The following ZNF609 variants were observed in gnomAD, a reference collection of about 807,000 sequenced individuals.
ZNF609 encodes the protein zinc finger protein 609.
A neutral mutation model predicts 109.5 loss-of-function variants in ZNF609; 11 were observed. The observed-to-expected ratio is 0.10, with a 90% CI of 0.06 to 0.17. The LOEUF (loss-of-function observed/expected upper bound fraction) is 0.17, where lower values mean the gene tolerates loss of function less well. Ranked by LOEUF, ZNF609 falls within the 10% of genes least tolerant of loss-of-function variation. The probability of loss-of-function intolerance (pLI) is 1.00; values close to 1 mark genes in which losing one functional copy is unlikely to be tolerated. For missense variants in ZNF609, 1,559 were observed against 1,772.4 expected (o/e 0.88, Z 2.16); for synonymous variants, 646 against 662.0 (o/e 0.98, Z 0.37).
chr15:64,480,358 AC>A (rs1252440422), intron 1 of ZNF609, among the ~76,000 whole-genome samples: 2 of 152,070 alleles, frequency 1.3e-5, no homozygotes, highest in African/African-American at 2.4e-5. Flanking sequence ...ACATGGTGAA[AC>A]CCCGTCTACT....
chr15:64,469,630 A>G (rs1235346725), intron 1 of ZNF609, among the ~76,000 whole-genome samples: 2 of 151,974 alleles, frequency 1.3e-5, no homozygotes, highest in African/African-American at 4.8e-5. Flanking sequence ...TTATTAGGCC[A>G]TCTTTTTTTG....
intron 3 of ZNF609, among the ~76,000 whole-genome samples, chr15:64,662,561 G>C (rs896358799): frequency 6.6e-6 from 1 of 152,168 alleles, no homozygotes; most frequent in African/African-American, 2.4e-5. Context: ...CTATGCTCAA[G>C]CAATCCTCCC....
intron 1 of ZNF609, among the ~76,000 whole-genome samples, chr15:64,480,377 A>C (rs1893235216): frequency 6.6e-6 from 1 of 152,106 alleles, no homozygotes; most frequent in South Asian, 2.1e-4. Context: ...ACTAAAATAC[A>C]AAAATTAGCT....
chr15:64,673,775 C>A, intron 4 of ZNF609, 141 bp from the exon 5 acceptor site: 1 of 989,500 alleles, frequency 1.0e-6, no homozygotes, highest in Non-Finnish European at 1.5e-6. Flanking sequence ...TAGTGCAATT[C>A]ACAATCAGAA....
intron 2 of ZNF609, among the ~76,000 whole-genome samples, chr15:64,573,978 G>C (rs1894905182): frequency 6.6e-6 from 1 of 152,054 alleles, no homozygotes; most frequent in Admixed American, 6.6e-5. Context: ...GGAACTTGCT[G>C]TATGAATTAG....
At chr15:64,636,770 G>A (rs1365446840) in intron 3 of ZNF609, among the ~76,000 whole-genome samples, 1 of 152,160 alleles carries the variant, frequency 6.6e-6, no homozygotes, top group Non-Finnish European at 1.5e-5. Context: ...TAGAGATTGG[G>A]CAAGCTGCCT....
chr15:64,618,950 T>C (rs1359809180), intron 2 of ZNF609, among the ~76,000 whole-genome samples: 4 of 152,106 alleles, frequency 2.6e-5, no homozygotes, highest in Non-Finnish European at 2.9e-5. Flanking sequence ...CAAAAATGCC[T>C]ATCTACCTAG....
rs767297145 is a variant in ZNF609, at chr15:64,675,132, T to C, written c.2278T>C (p.Phe760Leu). The C allele has an allele frequency of 6.2e-7, 1 of 1,613,950 alleles. No homozygotes were observed. Among genetic ancestry groups the C allele is most frequent in the African/African-American group, 1.3e-5 (1 of 74,916 alleles). The change falls in exon 5 of 10, where the codon TTC becomes CTC. Residue 760 changes from phenylalanine (F) to leucine (L), a missense_variant. Coordinates refer to ENST00000326648, the MANE Select transcript of ZNF609 (RefSeq NM_015042.2). ...VCRAEEGKSP[F>L]RESSGDGMKM... ...TCGAGCAGAGGAAGGCAAAAGCCCATTCAGGGAATCTTCAGGAGATGGGAT... is the reference window on the plus strand; with the variant it reads ...TCGAGCAGAGGAAGGCAAAAGCCCACTCAGGGAATCTTCAGGAGATGGGAT...
intron 2 of ZNF609, among the ~76,000 whole-genome samples, chr15:64,577,012 G>GTATACACATAAATATATATATGTATA (rs1567019061): frequency 4.6e-4 from 44 of 96,234 alleles, no homozygotes; most frequent in African/African-American, 1.0e-3. Context: ...ATATATGTAT[G>GTATACACATAAATATATATATGTATA]TATACACATA....
At chr15:64,511,427 G>A (rs1177114388) in intron 2 of ZNF609, among the ~76,000 whole-genome samples, 1 of 148,792 alleles carries the variant, frequency 6.7e-6, no homozygotes, top group Admixed American at 6.7e-5. Context: ...GTTGCAGTGA[G>A]CTGAGAACAC....
intron 2 of ZNF609, among the ~76,000 whole-genome samples, chr15:64,566,606 T>C (rs929267662): frequency 2.6e-5 from 4 of 152,198 alleles, no homozygotes; most frequent in African/African-American, 9.6e-5. Flanking sequence ...CTAGTTAGGA[T>C]TCATTTATTT....
chr15:64,653,467 A>T (rs1896446024), intron 3 of ZNF609, among the ~76,000 whole-genome samples: 2 of 152,200 alleles, frequency 1.3e-5, no homozygotes, highest in African/African-American at 4.8e-5. Flanking sequence ...CAACACGGTG[A>T]AACCCCATCT....
intron 2 of ZNF609, among the ~76,000 whole-genome samples, chr15:64,557,030 C>A (rs981375158): frequency 6.6e-6 from 1 of 151,974 alleles, no homozygotes; most frequent in Non-Finnish European, 1.5e-5. Context: ...AAATTTAGTT[C>A]TTCTTTCTGA....
chr15:64,525,808 G>A (rs1366316382), intron 2 of ZNF609, among the ~76,000 whole-genome samples: 3 of 149,760 alleles, frequency 2.0e-5, no homozygotes, highest in Admixed American at 2.0e-4. Context: ...TTTTGAGACA[G>A]AGTCTCACTC....
At chr15:64,619,312 T>C (rs1247824877) in intron 2 of ZNF609, among the ~76,000 whole-genome samples, 2 of 152,212 alleles carry the variant, frequency 1.3e-5, no homozygotes. Context: ...CTTTTTCTGA[T>C]TGTTATCTTC....
chr15:64,475,392 C>CTTTT (rs35289626), intron 1 of ZNF609, among the ~76,000 whole-genome samples: 12 of 109,572 alleles, frequency 1.1e-4, no homozygotes, highest in East Asian at 2.7e-4. Context: ...CACATGTTGT[C>CTTTT]TTTTTTTTTT....
chr15:64,672,546 A>C (rs1896748257), intron 4 of ZNF609, among the ~76,000 whole-genome samples: 1 of 146,178 alleles, frequency 6.8e-6, no homozygotes, highest in Non-Finnish European at 1.5e-5. Context: ...AACCGCTTGA[A>C]CCAGGGAGTT....
chr15:64,535,429 G>A (rs1894125924), intron 2 of ZNF609, among the ~76,000 whole-genome samples: 1 of 152,182 alleles, frequency 6.6e-6, no homozygotes, highest in African/African-American at 2.4e-5. Flanking sequence ...GATTCATCCA[G>A]GTTGTTGCGT....
chr15:64,618,507 T>C (rs1895833526), intron 2 of ZNF609, among the ~76,000 whole-genome samples: 1 of 152,216 alleles, frequency 6.6e-6, no homozygotes, highest in African/African-American at 2.4e-5. Context: ...GGGCTTTCTG[T>C]ATCCCAAGGT....
Sources: gnomAD v4.1 joint callset for allele counts (sites outside exome capture counted in the v4.1 genomes callset) on GRCh38, gnomAD v4.1.1 for gene constraint, MANE v1.5 for transcripts, NCBI Gene and HGNC (gene_info 2026-07-23, HGNC 2026-07-21) for gene names.